Variants in RECQL5 observed in about 807,000 individuals in gnomAD.
The protein encoded by RECQL5 is ATP-dependent DNA helicase Q5.
Under a neutral mutation model 103.4 loss-of-function variants are expected in RECQL5, and 88 were observed. The ratio of observed to expected loss-of-function variants is 0.85; its 90% CI spans 0.72 to 1.02. RECQL5 has a LOEUF of 1.02. Among genes scored for constraint, RECQL5 ranks in the 50% least tolerant of loss-of-function variants. The probability of loss-of-function intolerance (pLI) is 0.00; values close to 1 mark genes in which losing one functional copy is unlikely to be tolerated. For synonymous variants in RECQL5, 552 were observed against 507.9 expected (o/e 1.09, Z -1.17); for missense variants, 1,232 against 1,284.3 (o/e 0.96, Z 0.62).
rs992312700 is a variant in RECQL5 at position 75,651,379 on chromosome 17, T to C, written c.1150-114A>G. On this transcript the variant is annotated intron_variant, in intron 7 of 19. Transcript: ENST00000317905. ...GCTCACGGCTGTAATCCCAGCACTTTGGGAGGCTGAGCCAGGAGGATCATT... is the reference window on the plus strand; with the variant it reads ...GCTCACGGCTGTAATCCCAGCACTTCGGGAGGCTGAGCCAGGAGGATCATT... 3.3e-6 allele frequency: 4 copies of C among 1,213,532 alleles called. No homozygotes were observed. The African/African-American group carries it at 6.0e-5, about 18-fold the overall frequency. The allele number at this position is 1,213,532 out of a possible 1,614,324, so 75.2% of individuals were successfully genotyped here.
At chr17:75,647,468 T>C (rs2059502840) in intron 8 of RECQL5, 2 of 1,550,162 alleles carry the variant, frequency 1.3e-6, no homozygotes, top group South Asian at 2.4e-5. Flanking sequence ...ATTATCTTAT[T>C]CATCACCGCT....
At chr17:75,638,487 A>C (rs2148280032) in intron 8 of RECQL5, 1 of 152,954 alleles carries the variant, frequency 6.5e-6, no homozygotes, top group East Asian at 1.9e-4. Context: ...ATCTCAAAGA[A>C]AACCAAAACC....
In RECQL5 at chr17:75,629,363, C is replaced by A; in HGVS notation, c.2060G>T (p.Arg687Leu). The A allele has an allele frequency of 6.6e-7, 1 of 1,512,830 alleles. No individual in the cohort carries two copies. The highest frequency in any genetic ancestry group is 8.8e-7 in the Non-Finnish European group (1 of 1,131,054). The allele number at this position is 1,512,830 out of a possible 1,614,324, so 93.7% of individuals were successfully genotyped here. Reference protein sequence around the residue: ...RIREQAPQPERGGEHEPPSRP... With the variant: ...RIREQAPQPELGGEHEPPSRP... Reference sequence around the variant, plus strand: ...GCTCGGGGGCTCGTGCTCGCCTCCCCGCTCGGGCTGGGGGGCTTGCTCCCT... The same window carrying A: ...GCTCGGGGGCTCGTGCTCGCCTCCCAGCTCGGGCTGGGGGGCTTGCTCCCT... Residue 687 changes from arginine (R) to leucine (L), a missense_variant, in exon 16 of 20, where the codon CGG becomes CTG. Arg to Leu is a moderately radical substitution (Grantham distance 102). Coordinates refer to ENST00000317905, the MANE Select transcript of RECQL5 (RefSeq NM_004259.7).
intron 13 of RECQL5, 141 bp downstream of exon 13, chr17:75,630,478 G>A: frequency 1.0e-6 from 1 of 998,518 alleles, no homozygotes; most frequent in Non-Finnish European, 1.5e-6. Context: ...CCCTGGTGGG[G>A]TTGTAGGGGC....
intron 8 of RECQL5, chr17:75,650,420 A>T: frequency 7.6e-7 from 1 of 1,317,718 alleles, no homozygotes; most frequent in South Asian, 2.2e-5. Context: ...GTGTATGCAA[A>T]TGAGGACGCC....
chr17:75,628,075 G>T, intron 18 of RECQL5, 143 bp downstream of exon 18: 2 of 724,090 alleles, frequency 2.8e-6, no homozygotes, highest in Non-Finnish European at 4.7e-6. Context: ...ATGACCCAAC[G>T]GCAAGGCAGG....
chr17:75,629,131 G>A lies in RECQL5; in HGVS notation c.2292C>T (p.Ile764=), dbSNP rs759452913. ...ATAAHKDSQS[I]ARFFCRRVES... ...CCACCCTTCGGCAGAAGAAGCGGGCGATGCTCTGAGAATCCTTGTGGGCCG... is the reference window on the plus strand; with the variant it reads ...CCACCCTTCGGCAGAAGAAGCGGGCAATGCTCTGAGAATCCTTGTGGGCCG... Residue 764 remains isoleucine, a synonymous_variant, in exon 16 of 20, where the codon ATC becomes ATT. Transcript: ENST00000317905. 9.3e-6 allele frequency: 15 copies of A among 1,613,788 alleles called. No individual in the cohort carries two copies. Among genetic ancestry groups the A allele is most frequent in the Middle Eastern group, 1.7e-4 (1 of 6,056 alleles).
Position 75,628,705 on chromosome 17 carries a change from G to A in RECQL5, c.2547C>T (p.Asp849=), listed in dbSNP as rs779734723. 5 of 1,591,162 alleles carry A rather than the reference G, an allele frequency of 3.1e-6. No individual in the cohort carries two copies. Among genetic ancestry groups the A allele is most frequent in the South Asian group, 2.3e-5 (2 of 87,356 alleles). The change falls in exon 17 of 20, where the codon GAC becomes GAT. Residue 849 remains aspartate (D), a synonymous_variant. Transcript: ENST00000317905. Reference sequence around the variant, plus strand: ...ATCGAGGCCGCTTGCCCTTCCATGTGTCCTTTGCAGGGGTGGGCTGGACTT... The same window carrying A: ...ATCGAGGCCGCTTGCCCTTCCATGTATCCTTTGCAGGGGTGGGCTGGACTT... The part of the protein sequence containing the change: ...TPEVQPTPAK[D]TWKGKRPRSQ...
chr17:75,665,249 T>C, intron 2 of RECQL5, 77 bp from the exon 3 acceptor site: 3 of 1,390,378 alleles, frequency 2.2e-6, no homozygotes, highest in Non-Finnish European at 2.0e-6. Flanking sequence ...AATGAGAATG[T>C]AGGAAAAGCA....
intron 8 of RECQL5, among the ~76,000 whole-genome samples, chr17:75,643,380 T>C (rs890636573): frequency 2.0e-5 from 3 of 152,244 alleles, no homozygotes; most frequent in African/African-American, 4.8e-5. Context: ...ACAGGCCGAA[T>C]GGCCGCTCTA....
intron 8 of RECQL5, among the ~76,000 whole-genome samples, chr17:75,644,308 C>T (rs766221847): frequency 6.6e-6 from 1 of 151,036 alleles, no homozygotes; most frequent in Non-Finnish European, 1.5e-5. Flanking sequence ...CCGTCTCAAG[C>T]AAACAAACAA....
At position 75,662,835 on chromosome 17, in the gene RECQL5, G is replaced by A; in HGVS notation, c.415C>T (p.Gln139Ter). The A allele has an allele frequency of 1.9e-6, 3 of 1,614,130 alleles. No homozygotes were observed. The highest frequency in any genetic ancestry group is 2.5e-6 in the Non-Finnish European group (3 of 1,180,034). The change falls in exon 4 of 20, where the codon CAG (glutamine) becomes TAG (stop). Residue 139 changes from glutamine (Q) to a stop codon, truncating the protein, a stop_gained. Transcript: ENST00000317905. LOFTEE classifies it high-confidence loss of function. Reference sequence around the variant, plus strand: ...GACACCAGGGAGTTCAGGGTGGGCTGGAAGGAGGATGAAGCTGCCATCTCT... The same window carrying A: ...GACACCAGGGAGTTCAGGGTGGGCTAGAAGGAGGATGAAGCTGCCATCTCT... The part of the protein sequence containing the change: ...TPEMAASSSF[Q>*]PTLNSLVSRH...
intron 8 of RECQL5, among the ~76,000 whole-genome samples, chr17:75,645,751 A>C (rs1243105289): frequency 6.6e-6 from 1 of 152,212 alleles, no homozygotes; most frequent in Non-Finnish European, 1.5e-5. Flanking sequence ...ATCTGCCTCC[A>C]TCTGTCATCC....
chr17:75,650,230 T>G (rs1027771783), intron 8 of RECQL5: 1 of 990,776 alleles, frequency 1.0e-6, no homozygotes. Context: ...CGACCACTTT[T>G]GCTGGGCGTG....
chr17:75,628,205 T>G lies in RECQL5; in HGVS notation c.2805+13A>C. 6.3e-7 allele frequency: 1 copy of G among 1,581,758 alleles called. No individual in the cohort carries two copies. The highest frequency in any genetic ancestry group is 8.7e-7 in the Non-Finnish European group (1 of 1,154,752). On this transcript the variant is annotated intron_variant, in intron 18 of 19. Transcript: ENST00000317905. ...AGGCATGGGAGAAGGCAGAGCCCAC[T>G]CACTCCCCCTACCTTGGAAGCAAAC...
intron 8 of RECQL5, chr17:75,646,345 A>G (rs1283608453): frequency 6.6e-6 from 1 of 152,068 alleles, no homozygotes; most frequent in Non-Finnish European, 1.5e-5. Flanking sequence ...CGTCACCCAG[A>G]CAGAGGACAG....
At position 75,629,082 on chromosome 17, in the gene RECQL5, C is replaced by T; in HGVS notation, c.2341G>A (p.Ala781Thr). Residue 781 changes from alanine to threonine, a missense_variant, in exon 16 of 20, where the codon GCC becomes ACC. By Grantham distance (58) the Ala-to-Thr change is moderately conservative (BLOSUM62 0). Coordinates refer to ENST00000317905, the MANE Select transcript of RECQL5 (RefSeq NM_004259.7). ...RVESPALLAS[A>T]PEAEGACPSC... The stretch of plus-strand genomic sequence containing the variant: ...GGGCAGGCACCTTCTGCCTCTGGGG[C>T]TGATGCCAGCAGAGCTGGGCTTTCC... 1 of 1,613,142 alleles carries T rather than the reference C, an allele frequency of 6.2e-7. No homozygotes were observed. Among genetic ancestry groups the T allele is most frequent in the Non-Finnish European group, 8.5e-7 (1 of 1,179,740 alleles).
At chr17:75,641,368 T>G (rs2059432334) in intron 8 of RECQL5, 1 of 156,998 alleles carries the variant, frequency 6.4e-6, no homozygotes, top group Non-Finnish European at 1.4e-5. Context: ...TAGTCCAGTA[T>G]TTGCCAGTTT....
chr17:75,637,515 C>T (rs1385667817), intron 8 of RECQL5: 1 of 152,356 alleles, frequency 6.6e-6, no homozygotes, highest in Non-Finnish European at 1.5e-5. Flanking sequence ...GGACCACTGT[C>T]CTTGTGCAAG....
Sources: gnomAD v4.1 joint callset for allele counts (sites outside exome capture counted in the v4.1 genomes callset) on GRCh38, gnomAD v4.1.1 for gene constraint, MANE v1.5 for transcripts, NCBI Gene and HGNC (gene_info 2026-07-23, HGNC 2026-07-21) for gene names.